XPNPEP1: variants seen among roughly 807,000 people sequenced by gnomAD.
The protein encoded by XPNPEP1 is X-prolyl aminopeptidase 1.
A neutral mutation model predicts 92.4 loss-of-function variants in XPNPEP1; 39 were observed. That is an observed-to-expected ratio of 0.42 (90% CI 0.33 to 0.55). The LOEUF (loss-of-function observed/expected upper bound fraction) is 0.55, where lower values mean the gene tolerates loss of function less well. Among genes scored for constraint, XPNPEP1 ranks in the 20% least tolerant of loss-of-function variants. The probability of loss-of-function intolerance (pLI) is 0.08; values close to 1 mark genes in which losing one functional copy is unlikely to be tolerated. For synonymous variants in XPNPEP1, 307 were observed against 299.4 expected (o/e 1.03, Z -0.26); for missense variants, 654 against 856.1 (o/e 0.76, Z 2.95).
intron 12 of XPNPEP1, 49 bp from the exon 13 acceptor site, chr10:109,878,107 GC>G: frequency 2.5e-6 from 4 of 1,604,298 alleles, no homozygotes; most frequent in Non-Finnish European, 3.4e-6. Flanking sequence ...ATTCATGTGT[GC>G]CTCTTACAAA....
chr10:109,874,856 G>A (rs1354339551), intron 15 of XPNPEP1, among the ~76,000 whole-genome samples: 1 of 152,214 alleles, frequency 6.6e-6, no homozygotes. Flanking sequence ...GGCTGAGGCA[G>A]GAGAATGGCT....
In XPNPEP1 at chr10:109,869,304, C is replaced by T. The variant is rs182923534; in HGVS notation, c.1774-592G>A. Among the ~76,000 whole-genome samples, 735 of 152,342 alleles carry T rather than the reference C, an allele frequency of 4.8e-3. 23 individuals are homozygous for T. In the South Asian group the frequency reaches 0.08, roughly 16 times the overall value. The stretch of plus-strand genomic sequence containing the variant: ...CCTTGTAGACACAGGAAGCTACTTC[C>T]CTCCAATTGTTCAATTCCACCAATG... On this transcript the variant is annotated intron_variant, in intron 19 of 20. Transcript: ENST00000502935.
intron 2 of XPNPEP1, among the ~76,000 whole-genome samples, chr10:109,908,773 T>A (rs1485852783): frequency 1.3e-5 from 2 of 152,258 alleles, no homozygotes; most frequent in Non-Finnish European, 2.9e-5. Context: ...TGTCTTCTTG[T>A]ATTTTTCTGC....
chr10:109,918,795 G>A (rs1363042592), intron 1 of XPNPEP1, among the ~76,000 whole-genome samples: 3 of 144,940 alleles, frequency 2.1e-5, no homozygotes, highest in East Asian at 2.1e-4. Flanking sequence ...AGGAGAGGAA[G>A]GAGAGGAAGG....
rs1388564160 is a variant in XPNPEP1, at chr10:109,870,971, T to C, written c.1523-67A>G. 4 of 1,545,278 alleles carry C rather than the reference T, an allele frequency of 2.6e-6. 1 individual carries two copies. The South Asian group carries it at 5.0e-5, about 19-fold the overall frequency. ...CTTTAGAGATTAAATTTATTATGTG[T>C]GGCTCCAGAACGTGAAACAGAAACC... is the stretch of plus-strand genomic sequence containing the variant. On this transcript the variant is annotated intron_variant, in intron 17 of 20. Coordinates refer to ENST00000502935, the MANE Select transcript of XPNPEP1 (RefSeq NM_020383.4).
At chr10:109,870,440 T>TA (rs200539044) in intron 18 of XPNPEP1, among the ~76,000 whole-genome samples, 56 of 149,958 alleles carry the variant, frequency 3.7e-4, no homozygotes, top group Non-Finnish European at 5.9e-4. Context: ...CTCAATGATT[T>TA]AAAAAAAAAA....
rs1276333634 is a variant in XPNPEP1, at chr10:109,873,387, T to A, written c.1432A>T (p.Thr478Ser). The A allele has an allele frequency of 6.8e-6, 11 of 1,613,958 alleles. 1 individual carries two copies. The South Asian group carries it at 1.2e-4, about 18-fold the overall frequency. The part of the protein sequence containing the change: ...TDVTRTMHFG[T>S]PTAYEKECFT... The stretch of plus-strand genomic sequence containing the variant: ...CTTACCTTCTCGTAGGCTGTAGGGG[T>A]CCCAAAATGCATTGTCCGCGTCACA... Residue 478 changes from threonine (T) to serine (S), a missense_variant, in exon 16 of 21, where the codon ACC becomes TCC. By Grantham distance (58) the Thr-to-Ser change is moderately conservative (BLOSUM62 1). Transcript: ENST00000502935.
chr10:109,923,445 G>A lies in XPNPEP1; in HGVS notation c.-12C>T, dbSNP rs780111231. 3.5e-6 allele frequency: 5 copies of A among 1,435,710 alleles called. No homozygotes were observed. The highest frequency in any genetic ancestry group is 1.5e-5 in the African/African-American group (1 of 67,104). 88.9% of individuals were successfully genotyped at this position (1,435,710 alleles called of 1,614,324 possible). ...CTGGAGGCTGCCATTCGGCGGTGAC[G>A]TGCCCCAGCCCACGTCAGGGGAGCG... On this transcript the variant is annotated 5_prime_UTR_variant, in exon 1 of 21. The change creates a new upstream start codon in the 5' untranslated region. Coordinates refer to ENST00000502935, the MANE Select transcript of XPNPEP1 (RefSeq NM_020383.4).
chr10:109,872,546 C>T (rs769907713), intron 16 of XPNPEP1, among the ~76,000 whole-genome samples: 4 of 152,344 alleles, frequency 2.6e-5, no homozygotes, highest in Admixed American at 6.5e-5. Flanking sequence ...GAATCCTAGA[C>T]GCAAGGTCCA....
intron 12 of XPNPEP1, among the ~76,000 whole-genome samples, chr10:109,879,648 T>G (rs1254542502): frequency 3.9e-5 from 6 of 152,016 alleles, no homozygotes; most frequent in Non-Finnish European, 5.9e-5. Context: ...AGGGAAAAAG[T>G]TACACTAGTG....
Position 109,870,014 on chromosome 10 carries a change from TCATA to T in XPNPEP1, c.1708_1711del (p.Tyr570LysfsTer18). 1 of 1,614,118 alleles carries T rather than the reference TCATA, an allele frequency of 6.2e-7. No individual in the cohort carries two copies. Among genetic ancestry groups the T allele is most frequent in the South Asian group, 1.1e-5 (1 of 91,072 alleles). On this transcript the variant is annotated frameshift_variant, in exon 19 of 21. Transcript: ENST00000502935. LOFTEE classifies it high-confidence loss of function. ...AATGCGAATTCCAAAAGCCCCATCT[TCATA>T]GTACCCGGGCTCTAAAACAAACCAA...
At chr10:109,886,174 A>G in intron 8 of XPNPEP1, 72 bp downstream of exon 8, 1 of 1,495,388 alleles carries the variant, frequency 6.7e-7, no homozygotes, top group African/African-American at 1.4e-5. Context: ...GAATGGCATG[A>G]ACACACAGAT....
At chr10:109,890,442 A>G (rs1055788063) in intron 5 of XPNPEP1, among the ~76,000 whole-genome samples, 4 of 152,188 alleles carry the variant, frequency 2.6e-5, no homozygotes, top group African/African-American at 9.7e-5. Context: ...AAACAAACAT[A>G]CATACATGTT....
At position 109,882,645 on chromosome 10, in the gene XPNPEP1, G is replaced by A; in HGVS notation, c.831-3C>T. 6.2e-7 allele frequency: 1 copy of A among 1,614,052 alleles called. No homozygotes were observed. The highest frequency in any genetic ancestry group is 8.5e-7 in the Non-Finnish European group (1 of 1,179,924). On this transcript the variant is annotated splice_polypyrimidine_tract_variant and splice_region_variant and intron_variant, in intron 9 of 20. Transcript: ENST00000502935. ...TGCGGTCACCATCAATGAAGAGCCTGCAGATGGAGGAGAGGTGGGTGGCAG... is the reference window on the plus strand; with the variant it reads ...TGCGGTCACCATCAATGAAGAGCCTACAGATGGAGGAGAGGTGGGTGGCAG...
At chr10:109,874,350 T>C (rs1847655025) in intron 15 of XPNPEP1, among the ~76,000 whole-genome samples, 1 of 152,154 alleles carries the variant, frequency 6.6e-6, no homozygotes, top group Non-Finnish European at 1.5e-5. Context: ...AAAACCCAAC[T>C]TCTCCTGTTA....
chr10:109,871,682 G>A, intron 17 of XPNPEP1, 110 bp downstream of exon 17: 2 of 1,268,888 alleles, frequency 1.6e-6, no homozygotes, highest in African/African-American at 1.5e-5. Context: ...GCCTGAAGTG[G>A]GATGGGGACC....
intron 1 of XPNPEP1, among the ~76,000 whole-genome samples, chr10:109,915,720 T>G (rs759564962): frequency 6.6e-6 from 1 of 152,200 alleles, no homozygotes; most frequent in Non-Finnish European, 1.5e-5. Flanking sequence ...TCACATTAAT[T>G]TATTAGCTAG....
At chr10:109,898,435 C>A (rs546654587) in intron 3 of XPNPEP1, among the ~76,000 whole-genome samples, 1 of 152,156 alleles carries the variant, frequency 6.6e-6, no homozygotes, top group Non-Finnish European at 1.5e-5. Flanking sequence ...GCCATATAAA[C>A]GATGCTGAAC....
intron 14 of XPNPEP1, chr10:109,877,587 C>T: frequency 1.6e-6 from 1 of 635,768 alleles, no homozygotes; most frequent in Non-Finnish European, 2.7e-6. Context: ...CCATACTGAG[C>T]CTAAGAAGAG....
Sources: gnomAD v4.1 joint callset for allele counts (sites outside exome capture counted in the v4.1 genomes callset) on GRCh38, gnomAD v4.1.1 for gene constraint, MANE v1.5 for transcripts, NCBI Gene and HGNC (gene_info 2026-07-23, HGNC 2026-07-21) for gene names.